Variants in CPEB1 observed in about 807,000 individuals in gnomAD.
CPEB1 encodes the protein cytoplasmic polyadenylation element binding protein 1.
A neutral mutation model predicts 65.8 loss-of-function variants in CPEB1; 7 were observed. The ratio of observed to expected loss-of-function variants is 0.11; its 90% CI spans 0.06 to 0.20. CPEB1 has a LOEUF of 0.20. CPEB1 is among the 10% of genes least tolerant of loss of function. The probability of loss-of-function intolerance (pLI) is 1.00; values close to 1 mark genes in which losing one functional copy is unlikely to be tolerated. For missense variants in CPEB1, 551 were observed against 712.2 expected (o/e 0.77, Z 2.58); for synonymous variants, 262 against 260.0 (o/e 1.01, Z -0.08).
intron 4 of CPEB1, among the ~76,000 whole-genome samples, chr15:82,561,156 G>C (rs1010147959): frequency 6.6e-6 from 1 of 152,216 alleles, no homozygotes; most frequent in African/African-American, 2.4e-5. Flanking sequence ...GCAAGGTCCA[G>C]AGTATGGTAG....
chr15:82,629,451 T>C (rs1308679549), intron 1 of CPEB1: 6 of 978,956 alleles, frequency 6.1e-6, no homozygotes, highest in African/African-American at 5.3e-5. Context: ...AGAACTCCTA[T>C]ATATATATAT....
At chr15:82,647,734 G>A (rs2047699862), upstream of CPEB1, 3 of 910,320 alleles carry the variant, frequency 3.3e-6, no homozygotes, top group East Asian at 7.6e-5. Context: ...CGCCCCGCCC[G>A]GGACTCGCCC....
intron 3 of CPEB1, among the ~76,000 whole-genome samples, chr15:82,580,908 A>G (rs1038806265): frequency 6.6e-6 from 1 of 151,324 alleles, no homozygotes; most frequent in African/African-American, 2.4e-5. Flanking sequence ...TTGGGATGCA[A>G]TGACGCAATA....
At chr15:82,642,540 C>T (rs972866954) in intron 1 of CPEB1, among the ~76,000 whole-genome samples, 1 of 152,062 alleles carries the variant, frequency 6.6e-6, no homozygotes, top group East Asian at 1.9e-4. Flanking sequence ...ACAGTGAGAC[C>T]TTGTCTCAAA....
chr15:82,606,356 C>A (rs1242476769), intron 3 of CPEB1, among the ~76,000 whole-genome samples: 1 of 151,168 alleles, frequency 6.6e-6, no homozygotes, highest in Non-Finnish European at 1.5e-5. Context: ...CCTGGTATCC[C>A]AGCTACTCAG....
chr15:82,631,328 T>G (rs1484033169), intron 1 of CPEB1, among the ~76,000 whole-genome samples: 1 of 152,028 alleles, frequency 6.6e-6, no homozygotes, highest in East Asian at 1.9e-4. Flanking sequence ...TAGCTTAAGA[T>G]GACATTATAA....
intron 3 of CPEB1, among the ~76,000 whole-genome samples, chr15:82,588,703 G>A (rs961805665): frequency 1.3e-5 from 2 of 152,116 alleles, no homozygotes; most frequent in African/African-American, 2.4e-5. Context: ...TTACAATCCA[G>A]TACATTTAAA....
chr15:82,571,707 G>A, intron 3 of CPEB1, 175 bp from the exon 4 acceptor site: 3 of 1,430,450 alleles, frequency 2.1e-6, no homozygotes, highest in South Asian at 1.5e-5. Context: ...GGCAAGAGCA[G>A]TTGCCATACA....
At chr15:82,584,765 CAAAGAT>C (rs1178582727) in intron 3 of CPEB1, among the ~76,000 whole-genome samples, 2 of 145,660 alleles carry the variant, frequency 1.4e-5, no homozygotes, top group African/African-American at 5.1e-5. Flanking sequence ...AAAATTAACA[CAAAGAT>C]AAAAGAGGCA....
At chr15:82,640,568 A>C (rs375692209) in intron 1 of CPEB1, 3 of 152,248 alleles carry the variant, frequency 2.0e-5, no homozygotes, top group East Asian at 3.9e-4. Flanking sequence ...ATAACCTTTA[A>C]ATCTTTTACC....
chr15:82,626,220 G>C (rs932954221), intron 3 of CPEB1, among the ~76,000 whole-genome samples: 1 of 151,196 alleles, frequency 6.6e-6, no homozygotes, highest in African/African-American at 2.4e-5. Context: ...CAGATCACAA[G>C]GTCAGGACAT....
At chr15:82,588,790 G>A (rs1223076019) in intron 3 of CPEB1, among the ~76,000 whole-genome samples, 1 of 152,072 alleles carries the variant, frequency 6.6e-6, no homozygotes, top group African/African-American at 2.4e-5. Context: ...CTATTTCTTT[G>A]TACCCTTACC....
At chr15:82,640,730 A>C (rs1287387825) in intron 1 of CPEB1, 1 of 152,192 alleles carries the variant, frequency 6.6e-6, no homozygotes, top group Admixed American at 6.5e-5. Context: ...TAAAGAGCTC[A>C]ATCTAAAACT....
intron 4 of CPEB1, among the ~76,000 whole-genome samples, chr15:82,559,563 T>C (rs922460807): frequency 3.3e-5 from 5 of 152,188 alleles, no homozygotes; most frequent in African/African-American, 1.2e-4. Flanking sequence ...TTTTTATATC[T>C]AGCCAGTCTA....
rs1009415576 is a variant in CPEB1, at chr15:82,548,164, G to A, written c.1481-927C>T. ...ATCCTGGCTAACATGGTGAAACCCC[G>A]TCTCTACTAAAAATACAAAAATTAG... On this transcript the variant is annotated intron_variant, in intron 10 of 12. Coordinates refer to ENST00000684509, the MANE Select transcript of CPEB1 (RefSeq NM_001365242.1). 2.3e-4 allele frequency among the ~76,000 whole-genome samples: 35 copies of A among 151,922 alleles called. 1 individual carries two copies. The highest frequency in any genetic ancestry group is 2.2e-4 in the Non-Finnish European group (15 of 67,992).
intron 2 of CPEB1, among the ~76,000 whole-genome samples, 196 bp from the exon 3 acceptor site, chr15:82,627,563 G>T (rs2045878360): frequency 6.6e-6 from 1 of 152,132 alleles, no homozygotes; most frequent in Non-Finnish European, 1.5e-5. Flanking sequence ...TGGCCAATTT[G>T]TGGAAAAATT....
At chr15:82,605,545 G>T (rs2043499917) in intron 3 of CPEB1, among the ~76,000 whole-genome samples, 2 of 151,990 alleles carry the variant, frequency 1.3e-5, no homozygotes, top group African/African-American at 4.8e-5. Context: ...TGAGATTTTA[G>T]ATGTTCTCAC....
At chr15:82,556,156 G>A (rs1209293119) in intron 5 of CPEB1, 34 bp from the exon 6 acceptor site, 2 of 1,557,676 alleles carry the variant, frequency 1.3e-6, no homozygotes, top group East Asian at 2.3e-5. Flanking sequence ...GGGTTTTAAA[G>A]GCTAGTTTTG....
chr15:82,616,186 C>A (rs2151273053), intron 3 of CPEB1, among the ~76,000 whole-genome samples: 1 of 152,066 alleles, frequency 6.6e-6, no homozygotes, highest in South Asian at 2.1e-4. Flanking sequence ...TTGCTTATAT[C>A]ATTCTATTTC....
Sources: allele counts gnomAD v4.1 joint callset (sites outside exome capture counted in the v4.1 genomes callset), GRCh38; gene constraint gnomAD v4.1.1; transcripts MANE v1.5; gene names NCBI Gene and HGNC (gene_info 2026-07-23, HGNC 2026-07-21).